Variants in PHLPP2 observed in about 807,000 individuals in gnomAD.
The protein encoded by PHLPP2 is PH domain leucine-rich repeat-containing protein phosphatase 2.
A neutral mutation model predicts 124.9 loss-of-function variants in PHLPP2; 66 were observed. The ratio of observed to expected loss-of-function variants is 0.53; its 90% CI spans 0.43 to 0.65. The LOEUF is 0.65. Among genes scored for constraint, PHLPP2 ranks in the 30% least tolerant of loss-of-function variants. The pLI, the probability that PHLPP2 is intolerant of heterozygous loss-of-function variation, is 0.00. For synonymous variants in PHLPP2, 681 were observed against 624.7 expected (o/e 1.09, Z -1.34); for missense variants, 1,685 against 1,600.4 (o/e 1.05, Z -0.90).
At chr16:71,658,122 A>G (rs1050520728) in intron 15 of PHLPP2, 111 bp downstream of exon 15, 8 of 920,544 alleles carry the variant, frequency 8.7e-6, no homozygotes, top group Non-Finnish European at 1.3e-5. Flanking sequence ...TTTATAGCCT[A>G]ACTTCATTCT....
At chr16:71,683,018 C>G (rs536004272) in intron 5 of PHLPP2, among the ~76,000 whole-genome samples, 1 of 152,006 alleles carries the variant, frequency 6.6e-6, no homozygotes, top group East Asian at 1.9e-4. Flanking sequence ...TAAAAATACA[C>G]AGATTAGCTG....
intron 2 of PHLPP2, among the ~76,000 whole-genome samples, chr16:71,702,969 C>T (rs894257427): frequency 6.6e-6 from 1 of 152,052 alleles, no homozygotes; most frequent in Non-Finnish European, 1.5e-5. Flanking sequence ...CACCCTTCTG[C>T]TTTTCCAATG....
intron 3 of PHLPP2, among the ~76,000 whole-genome samples, chr16:71,696,771 T>A (rs141735078): frequency 3.2e-4 from 48 of 152,322 alleles, no homozygotes; most frequent in African/African-American, 1.1e-3. Flanking sequence ...TTCGTATATA[T>A]CCTGTATTAA....
At chr16:71,689,862 G>C (rs2045091642) in intron 4 of PHLPP2, among the ~76,000 whole-genome samples, 1 of 151,984 alleles carries the variant, frequency 6.6e-6, no homozygotes, top group Non-Finnish European at 1.5e-5. Context: ...CTGTGTATTT[G>C]GATCAGAATG....
In PHLPP2 at chr16:71,650,140, A is replaced by G. The variant is rs560099965; in HGVS notation, c.2818-96T>C. On this transcript the variant is annotated intron_variant, in intron 18 of 18. Coordinates refer to ENST00000568954, the MANE Select transcript of PHLPP2 (RefSeq NM_015020.3). ...AGTGCTTAGGGAACTATAATAAAAC[A>G]ATTTATATATGATTTTTCCTATGGA... The G allele has an allele frequency of 6.7e-4, 543 of 811,608 alleles. 4 individuals are homozygous for G. Among genetic ancestry groups the G allele is most frequent in the Middle Eastern group, 5.1e-4 (2 of 3,958 alleles). The allele number at this position is 811,608 out of a possible 1,614,324, so 50.3% of individuals were successfully genotyped here.
chr16:71,719,799 G>C (rs879521348), intron 1 of PHLPP2, among the ~76,000 whole-genome samples: 7 of 151,470 alleles, frequency 4.6e-5, no homozygotes, highest in Non-Finnish European at 8.8e-5. Flanking sequence ...TTACACTTTT[G>C]TTTGTTTGTT....
intron 1 of PHLPP2, among the ~76,000 whole-genome samples, chr16:71,718,418 A>G (rs901144240): frequency 1.4e-4 from 21 of 151,946 alleles, no homozygotes; most frequent in African/African-American, 5.1e-4. Context: ...TCTCTACTAA[A>G]AATACAAAAA....
At chr16:71,674,537 A>G (rs914275806) in intron 9 of PHLPP2, among the ~76,000 whole-genome samples, 1 of 152,178 alleles carries the variant, frequency 6.6e-6, no homozygotes, top group African/African-American at 2.4e-5. Flanking sequence ...AAATTTTGAT[A>G]TAACTATCAC....
intron 3 of PHLPP2, among the ~76,000 whole-genome samples, chr16:71,701,016 AC>A (rs1428648227): frequency 5.9e-5 from 9 of 152,072 alleles, no homozygotes; most frequent in Non-Finnish European, 1.3e-4. Context: ...AGAAGAGGGA[AC>A]TGAAGCCTCC....
intron 12 of PHLPP2, among the ~76,000 whole-genome samples, chr16:71,664,645 G>A (rs1234845165): frequency 6.6e-6 from 1 of 152,098 alleles, no homozygotes; most frequent in African/African-American, 2.4e-5. Flanking sequence ...CCAGCTACTC[G>A]GGAGGCTGAG....
At chr16:71,694,227 T>C (rs1295309542) in intron 3 of PHLPP2, among the ~76,000 whole-genome samples, 1 of 150,906 alleles carries the variant, frequency 6.6e-6, no homozygotes, top group Admixed American at 6.6e-5. Flanking sequence ...ATTTTTAAAA[T>C]TGACTGGCTG....
Position 71,649,474 on chromosome 16 carries a change from G to T in PHLPP2, c.3388C>A (p.Gln1130Lys). The change falls in exon 19 of 19, where the codon CAG becomes AAG. Residue 1130 changes from glutamine (Q) to lysine (K), a missense_variant. Physicochemically the swap from Gln to Lys is moderately conservative, Grantham distance 53 (BLOSUM62 1). Transcript: ENST00000568954. ...AAGGTAGCAGAAGAAGGCTGGCGCT[G>T]AAACAGCCCAGAGGTGGGTGTTGGG... ...LHPTPTSGLF[Q>K]RQPSSATFSS... 2 of 1,614,158 alleles carry T rather than the reference G, an allele frequency of 1.2e-6. No individual in the cohort carries two copies. Among genetic ancestry groups the T allele is most frequent in the Non-Finnish European group, 1.7e-6 (2 of 1,180,020 alleles).
rs150855023 is a variant in PHLPP2, at chr16:71,665,695, G to A, written c.1784+1483C>T. 7.0e-4 allele frequency among the ~76,000 whole-genome samples: 106 copies of A among 152,222 alleles called. No individual in the cohort carries two copies. The East Asian group carries it at 9.4e-3, about 14-fold the overall frequency. On this transcript the variant is annotated intron_variant, in intron 12 of 18. Coordinates refer to ENST00000568954, the MANE Select transcript of PHLPP2 (RefSeq NM_015020.3). ...ATTAAATAAATACCACTGACAGTTC[G>A]CTACAGCTAAGTTACTCACTAAAGA... is the stretch of plus-strand genomic sequence containing the variant.
intron 2 of PHLPP2, among the ~76,000 whole-genome samples, chr16:71,713,931 A>AC (rs1451996021): frequency 6.7e-5 from 10 of 149,774 alleles, no homozygotes; most frequent in African/African-American, 2.4e-4. Flanking sequence ...TTCAAAAAAA[A>AC]AACAACAACT....
intron 2 of PHLPP2, 38 bp from the exon 3 acceptor site, chr16:71,702,769 A>T: frequency 7.0e-7 from 1 of 1,426,710 alleles, no homozygotes; most frequent in Non-Finnish European, 9.5e-7. Context: ...ATATTTGGTA[A>T]GTAATAAAAA....
intron 3 of PHLPP2, among the ~76,000 whole-genome samples, chr16:71,697,631 T>G (rs2045186331): frequency 6.6e-6 from 1 of 152,182 alleles, no homozygotes; most frequent in African/African-American, 2.4e-5. Flanking sequence ...GTATTTATGC[T>G]CTTTTGACAA....
intron 15 of PHLPP2, among the ~76,000 whole-genome samples, chr16:71,657,495 C>G (rs982818507): frequency 6.6e-6 from 1 of 151,558 alleles, no homozygotes; most frequent in African/African-American, 2.4e-5. Flanking sequence ...CCCGGGTTCA[C>G]GCCATTCTCC....
chr16:71,696,406 G>A (rs1261300746), intron 3 of PHLPP2, among the ~76,000 whole-genome samples: 1 of 152,134 alleles, frequency 6.6e-6, no homozygotes, highest in Non-Finnish European at 1.5e-5. Context: ...GGAGGCCAAG[G>A]TGGGCAGATC....
chr16:71,678,933 A>G lies in PHLPP2; in HGVS notation c.1090T>C (p.Leu364=). Residue 364 remains leucine, a synonymous_variant, in exon 8 of 19, where the codon TTG becomes CTG. Coordinates refer to ENST00000568954, the MANE Select transcript of PHLPP2 (RefSeq NM_015020.3). ...GAGGAAAGCTGTTGTAGATTTCCCA[A>G]TTCTTCAGGTAAAGTAGTCAGAAAG... ...GNFLTTLPEE[L]GNLQQLSSLG... 1 of 1,613,254 alleles carries G rather than the reference A, an allele frequency of 6.2e-7. No homozygotes were observed. Among genetic ancestry groups the G allele is most frequent in the Non-Finnish European group, 8.5e-7 (1 of 1,179,354 alleles).
Sources: allele counts gnomAD v4.1 joint callset (sites outside exome capture counted in the v4.1 genomes callset), GRCh38; gene constraint gnomAD v4.1.1; transcripts MANE v1.5; gene names NCBI Gene and HGNC (gene_info 2026-07-23, HGNC 2026-07-21).